Variants in GRIA4 observed in about 807,000 individuals in gnomAD.
GRIA4 encodes glutamate receptor 4.
GRIA4 carries 34 observed loss-of-function variants against 104.0 expected under a neutral mutation model. The observed-to-expected ratio is 0.33, with a 90% CI of 0.25 to 0.44. GRIA4 has a LOEUF of 0.44. Among genes scored for constraint, GRIA4 ranks in the 20% least tolerant of loss-of-function variants. GRIA4 has a pLI of 1.00. For synonymous variants in GRIA4, 386 were observed against 381.9 expected (o/e 1.01, Z -0.13); for missense variants, 750 against 1,096.5 (o/e 0.68, Z 4.46).
chr11:105,754,611 T>G (rs1282020948), intron 4 of GRIA4, among the ~76,000 whole-genome samples: 1 of 152,190 alleles, frequency 6.6e-6, no homozygotes, highest in Non-Finnish European at 1.5e-5. Flanking sequence ...GTTCAATGGT[T>G]GATATAGCTT....
intron 14 of GRIA4, among the ~76,000 whole-genome samples, chr11:105,942,021 C>G (rs1284080483): frequency 1.3e-5 from 2 of 152,102 alleles, no homozygotes; most frequent in Non-Finnish European, 2.9e-5. Context: ...AAAGCATTAT[C>G]AGCAAGTATA....
At chr11:105,858,424 G>A (rs1945095913) in intron 4 of GRIA4, among the ~76,000 whole-genome samples, 1 of 151,924 alleles carries the variant, frequency 6.6e-6, no homozygotes, top group Non-Finnish European at 1.5e-5. Flanking sequence ...GAAATATTTT[G>A]ATACAGGCAT....
chr11:105,981,591 A>ACACAC lies in GRIA4; in HGVS notation c.*1852_*1853insCACAC, dbSNP rs57222107. ...CACACACACACACACACACACACAC[A>ACACAC]AGTCCCTCAGGAAAAATTCCAAGCT... is the stretch of plus-strand genomic sequence containing the variant. On this transcript the variant is annotated 3_prime_UTR_variant, in exon 17 of 17. Transcript: ENST00000282499. The ACACAC allele has an allele frequency of 1.1e-4, 16 of 151,760 alleles. No homozygotes were observed. The highest frequency in any genetic ancestry group is 1.9e-4 in the Non-Finnish European group (13 of 69,584). 9.4% of individuals were successfully genotyped at this position (151,760 alleles called of 1,614,324 possible).
intron 4 of GRIA4, among the ~76,000 whole-genome samples, chr11:105,858,563 A>T (rs1054054707): frequency 5.3e-5 from 8 of 152,102 alleles, no homozygotes; most frequent in Non-Finnish European, 7.4e-5. Context: ...ATTATTGTTG[A>T]CTTTAGTCAC....
intron 4 of GRIA4, among the ~76,000 whole-genome samples, chr11:105,835,363 C>T (rs889261368): frequency 2.0e-5 from 3 of 151,828 alleles, no homozygotes; most frequent in Non-Finnish European, 4.4e-5. Flanking sequence ...ATACAAAGGT[C>T]GAAATCTGTG....
At chr11:105,619,017 T>C (rs1950670904) in intron 3 of GRIA4, among the ~76,000 whole-genome samples, 1 of 151,936 alleles carries the variant, frequency 6.6e-6, no homozygotes, top group Non-Finnish European at 1.5e-5. Flanking sequence ...AGGATAACTG[T>C]AATATCTTCA....
At chr11:105,865,064 A>G (rs1945356724) in intron 5 of GRIA4, among the ~76,000 whole-genome samples, 1 of 152,218 alleles carries the variant, frequency 6.6e-6, no homozygotes, top group African/African-American at 2.4e-5. Context: ...CATGTTTTCC[A>G]AATTATTTTA....
chr11:105,689,741 T>G (rs1176112292), intron 3 of GRIA4, among the ~76,000 whole-genome samples: 2 of 152,134 alleles, frequency 1.3e-5, no homozygotes, highest in African/African-American at 4.8e-5. Flanking sequence ...TTTAATTTGA[T>G]TTTATTCTCT....
At chr11:105,825,386 T>C (rs61902562) in intron 4 of GRIA4, among the ~76,000 whole-genome samples, 25,907 of 151,992 alleles carry the variant, frequency 0.17, 2,590 homozygotes, top group African/African-American at 0.27. Flanking sequence ...GTTCAGGCAA[T>C]AGAGTGCCTC....
At position 105,862,210 on chromosome 11, in the gene GRIA4, T is replaced by C. The variant is rs1304368458; in HGVS notation, c.672+2T>C. Reference sequence around the variant, plus strand: ...AGACTTCAAAACATATTAGAACAGGTAAGTCCTAGATTTTATATTTTTAAC... The same window carrying C: ...AGACTTCAAAACATATTAGAACAGGCAAGTCCTAGATTTTATATTTTTAAC... On this transcript the variant is annotated splice_donor_variant, in intron 5 of 16. Coordinates refer to ENST00000282499, the MANE Select transcript of GRIA4 (RefSeq NM_000829.4). LOFTEE classifies it high-confidence loss of function. 1 of 1,531,070 alleles carries C rather than the reference T, an allele frequency of 6.5e-7. No homozygotes were observed. Among genetic ancestry groups the C allele is most frequent in the Admixed American group, 1.7e-5 (1 of 59,686 alleles). 94.8% of individuals were successfully genotyped at this position (1,531,070 alleles called of 1,614,324 possible).
chr11:105,977,300 A>G (rs1422881063), intron 16 of GRIA4, among the ~76,000 whole-genome samples: 3 of 152,012 alleles, frequency 2.0e-5, no homozygotes, highest in Non-Finnish European at 2.9e-5. Context: ...GTAGATACCT[A>G]TGAATTCTCT....
intron 3 of GRIA4, among the ~76,000 whole-genome samples, chr11:105,646,493 T>C (rs1487837952): frequency 6.6e-6 from 1 of 152,066 alleles, no homozygotes; most frequent in South Asian, 2.1e-4. Context: ...ATAACAGAGC[T>C]GGAGGCATCA....
chr11:105,951,865 G>A (rs1193576697), intron 14 of GRIA4, among the ~76,000 whole-genome samples: 2 of 152,124 alleles, frequency 1.3e-5, no homozygotes, highest in Admixed American at 1.3e-4. Context: ...AGGAGGCTGA[G>A]GTGGGAGGAT....
chr11:105,954,447 G>T (rs900233716), intron 14 of GRIA4, among the ~76,000 whole-genome samples: 2 of 151,890 alleles, frequency 1.3e-5, no homozygotes, highest in Non-Finnish European at 1.5e-5. Context: ...TGGGTGTGTG[G>T]GGGCATAAAG....
At chr11:105,792,806 T>C (rs1181112457) in intron 4 of GRIA4, among the ~76,000 whole-genome samples, 1 of 152,186 alleles carries the variant, frequency 6.6e-6, no homozygotes, top group Non-Finnish European at 1.5e-5. Context: ...TGCCTTCAAC[T>C]GGCTTATAGT....
At chr11:105,846,303 TTGACA>T (rs568828540) in intron 4 of GRIA4, among the ~76,000 whole-genome samples, 142 of 152,290 alleles carry the variant, frequency 9.3e-4, no homozygotes, top group Admixed American at 1.8e-3. Context: ...ATAAATTGTT[TTGACA>T]ACACCTGTAG....
chr11:105,910,402 AAT>A, intron 9 of GRIA4, 31 bp from the exon 10 acceptor site: 1 of 1,043,684 alleles, frequency 9.6e-7, no homozygotes, highest in Middle Eastern at 2.0e-4. Context: ...ATGCTTCTAA[AAT>A]ATGTTTTCAA....
At position 105,887,496 on chromosome 11, in the gene GRIA4, C is replaced by T. The variant is rs200517706; in HGVS notation, c.673-23C>T. Reference sequence around the variant, plus strand: ...TTCAGTGAATTAAAATTGATTTTCTCTTATTTGCTTATATCTTCACAGATT... The same window carrying T: ...TTCAGTGAATTAAAATTGATTTTCTTTTATTTGCTTATATCTTCACAGATT... On this transcript the variant is annotated intron_variant, in intron 5 of 16. Transcript: ENST00000282499. The T allele has an allele frequency of 2.8e-6, 3 of 1,055,484 alleles. No homozygotes were observed. In the East Asian group the frequency reaches 7.7e-5, roughly 27 times the overall value. The allele number at this position is 1,055,484 out of a possible 1,614,324, so 65.4% of individuals were successfully genotyped here. A position where few individuals can be genotyped will look rare whatever the true frequency, so the allele number is the denominator to read the frequency against.
intron 3 of GRIA4, among the ~76,000 whole-genome samples, chr11:105,665,489 G>A (rs915155857): frequency 1.3e-5 from 2 of 151,896 alleles, no homozygotes; most frequent in African/African-American, 2.4e-5. Flanking sequence ...TGGCCTTCGA[G>A]AATGAGAGCA....
Sources: allele counts gnomAD v4.1 joint callset (sites outside exome capture counted in the v4.1 genomes callset), GRCh38; gene constraint gnomAD v4.1.1; transcripts MANE v1.5; gene names NCBI Gene and HGNC (gene_info 2026-07-23, HGNC 2026-07-21).